The following NELL1 variants were observed in gnomAD, a reference collection of about 807,000 sequenced individuals.
NELL1 encodes protein kinase C-binding protein NELL1.
In NELL1, 76 loss-of-function variants were observed where a neutral mutation model predicts 107.4. That is an observed-to-expected ratio of 0.71 (90% CI 0.59 to 0.86). The LOEUF (loss-of-function observed/expected upper bound fraction) is 0.86, where lower values mean the gene tolerates loss of function less well. Ranked by LOEUF, NELL1 falls within the 40% of genes least tolerant of loss-of-function variation. The pLI, the probability that NELL1 is intolerant of heterozygous loss-of-function variation, is 0.00. For synonymous variants in NELL1, 353 were observed against 341.2 expected (o/e 1.03, Z -0.38); for missense variants, 1,024 against 1,005.5 (o/e 1.02, Z -0.25).
rs1397328721 is a variant in NELL1 at position 21,548,810 on chromosome 11, G to T, written c.1787-11379G>T. Among the ~76,000 whole-genome samples, 6 of 151,402 alleles carry T rather than the reference G, an allele frequency of 4.0e-5. No homozygotes were observed. The East Asian group carries it at 1.2e-3, about 30-fold the overall frequency. On this transcript the variant is annotated intron_variant, in intron 16 of 19. Coordinates refer to ENST00000357134, the MANE Select transcript of NELL1 (RefSeq NM_006157.5). ...TGCCTGCATTTGTGTCCTGACAAAA[G>T]AATTCTAGTTGTGTGGCTGGCCCAG...
At chr11:20,901,119 C>T (rs1188405027) in intron 5 of NELL1, among the ~76,000 whole-genome samples, 2 of 151,872 alleles carry the variant, frequency 1.3e-5, no homozygotes, top group African/African-American at 4.8e-5. Context: ...AGGTTCTTAC[C>T]AGCAAAATAA....
In NELL1 at chr11:20,690,635, G is replaced by T. The variant is rs535525146; in HGVS notation, c.184+12575G>T. Among the ~76,000 whole-genome samples the T allele has an allele frequency of 1.2e-3, 180 of 151,086 alleles. 1 individual carries two copies. The highest frequency in any genetic ancestry group is 4.1e-3 in the African/African-American group (167 of 40,996). On this transcript the variant is annotated intron_variant, in intron 2 of 19. Transcript: ENST00000357134. ...TCTGAGGGCTCTGTTCTGTTCCATT[G>T]ATCTATATCTCTGTTTTGGTACCAG... is the stretch of plus-strand genomic sequence containing the variant.
intron 12 of NELL1, among the ~76,000 whole-genome samples, chr11:21,025,277 C>T (rs1053191495): frequency 2.2e-4 from 34 of 151,994 alleles, no homozygotes; most frequent in Middle Eastern, 3.4e-3. Context: ...GCTTTAGATA[C>T]GAAACTTCAC....
intron 2 of NELL1, among the ~76,000 whole-genome samples, chr11:20,724,448 A>C (rs551659598): frequency 1.3e-5 from 2 of 152,266 alleles, no homozygotes; most frequent in South Asian, 2.1e-4. Flanking sequence ...GCTGGTTAGA[A>C]ATTTCTTCCA....
intron 3 of NELL1, among the ~76,000 whole-genome samples, chr11:20,798,248 C>T (rs369501873): frequency 3.3e-5 from 5 of 152,122 alleles, no homozygotes. Context: ...TTTAAATCTT[C>T]GTCAGAAGAA....
chr11:21,295,989 T>A (rs1849366809), intron 14 of NELL1, among the ~76,000 whole-genome samples: 1 of 152,012 alleles, frequency 6.6e-6, no homozygotes, highest in African/African-American at 2.4e-5. Flanking sequence ...TCTGATCAGT[T>A]TAAGCATCTG....
chr11:21,145,709 C>T lies in NELL1; in HGVS notation c.1426+31995C>T, dbSNP rs567724365. ...AAAAGATGACTGGGTTCTGGGGGCCCGTCCTTAACCTTTATAGTGAAACCT... is the reference window on the plus strand; with the variant it reads ...AAAAGATGACTGGGTTCTGGGGGCCTGTCCTTAACCTTTATAGTGAAACCT... On this transcript the variant is annotated intron_variant, in intron 13 of 19. Coordinates refer to ENST00000357134, the MANE Select transcript of NELL1 (RefSeq NM_006157.5). Among the ~76,000 whole-genome samples, 65 of 152,192 alleles carry T rather than the reference C, an allele frequency of 4.3e-4. 1 individual carries two copies. In the South Asian group the frequency reaches 0.013, roughly 30 times the overall value.
At chr11:21,571,821 C>T (rs1417372078) in intron 18 of NELL1, among the ~76,000 whole-genome samples, 2 of 151,788 alleles carry the variant, frequency 1.3e-5, no homozygotes, top group African/African-American at 4.8e-5. Flanking sequence ...TATGTAAAGT[C>T]ACAACTATGG....
chr11:20,794,293 C>T (rs1857129373), intron 3 of NELL1, among the ~76,000 whole-genome samples: 1 of 152,200 alleles, frequency 6.6e-6, no homozygotes, highest in Middle Eastern at 3.4e-3. Context: ...TGAGTCTGAA[C>T]CCAAATACGT....
At chr11:20,701,199 T>C (rs1854774584) in intron 2 of NELL1, among the ~76,000 whole-genome samples, 1 of 152,310 alleles carries the variant, frequency 6.6e-6, no homozygotes, top group Non-Finnish European at 1.5e-5. Context: ...ATAATTGCCA[T>C]TCTAACTGGT....
Position 21,148,111 on chromosome 11 carries a change from G to A in NELL1, c.1426+34397G>A, listed in dbSNP as rs146616834. On this transcript the variant is annotated intron_variant, in intron 13 of 19. Transcript: ENST00000357134. ...TGTGTGCCACAGAGGAATACAGAAA[G>A]AGCTTGACAGCATCTCTGTTGTCAA... Among the ~76,000 whole-genome samples the A allele has an allele frequency of 2.4e-3, 368 of 152,214 alleles. 1 individual carries two copies. Among genetic ancestry groups the A allele is most frequent in the African/African-American group, 8.3e-3 (345 of 41,532 alleles).
intron 16 of NELL1, among the ~76,000 whole-genome samples, chr11:21,556,203 T>C (rs914309791): frequency 1.3e-5 from 2 of 151,910 alleles, no homozygotes; most frequent in Admixed American, 6.6e-5. Context: ...GAGCCACTCA[T>C]AATGATTTCC....
At chr11:20,822,300 C>A (rs1448644326) in intron 3 of NELL1, among the ~76,000 whole-genome samples, 1 of 152,166 alleles carries the variant, frequency 6.6e-6, no homozygotes, top group African/African-American at 2.4e-5. Context: ...GGGTAATAGA[C>A]ATTAAGTCCT....
chr11:20,922,637 A>G (rs1398915458), intron 7 of NELL1, among the ~76,000 whole-genome samples: 1 of 152,040 alleles, frequency 6.6e-6, no homozygotes, highest in African/African-American at 2.4e-5. Context: ...GGCTGGAGGT[A>G]ATTTTTGGAG....
intron 12 of NELL1, among the ~76,000 whole-genome samples, chr11:20,974,815 T>C (rs1564994606): frequency 6.6e-6 from 1 of 152,178 alleles, no homozygotes. Flanking sequence ...GGAATCTGCT[T>C]AATGTAAACT....
At chr11:20,740,641 C>T (rs1333284343) in intron 2 of NELL1, among the ~76,000 whole-genome samples, 1 of 152,114 alleles carries the variant, frequency 6.6e-6, no homozygotes, top group Non-Finnish European at 1.5e-5. Flanking sequence ...ATTTCTTTAG[C>T]CTTAAATAAC....
intron 15 of NELL1, among the ~76,000 whole-genome samples, chr11:21,494,731 T>A (rs1366179249): frequency 6.6e-6 from 1 of 152,020 alleles, no homozygotes; most frequent in Non-Finnish European, 1.5e-5. Context: ...TAACAAATTG[T>A]GAAATATTCA....
intron 12 of NELL1, among the ~76,000 whole-genome samples, chr11:21,034,952 C>G (rs1853051816): frequency 6.6e-6 from 1 of 151,986 alleles, no homozygotes; most frequent in African/African-American, 2.4e-5. Context: ...AATCCAGAAA[C>G]TCATTCTTTG....
At chr11:20,715,062 T>G (rs1590228202) in intron 2 of NELL1, among the ~76,000 whole-genome samples, 3 of 151,836 alleles carry the variant, frequency 2.0e-5, no homozygotes, top group African/African-American at 7.3e-5. Flanking sequence ...GCTAACATGG[T>G]GAAACCCCGT....
Sources: allele counts gnomAD v4.1 joint callset (sites outside exome capture counted in the v4.1 genomes callset), GRCh38; gene constraint gnomAD v4.1.1; transcripts MANE v1.5; gene names NCBI Gene and HGNC (gene_info 2026-07-23, HGNC 2026-07-21).